ERC1: variants seen among roughly 807,000 people sequenced by gnomAD.
The protein encoded by ERC1 is ELKS/RAB6-interacting/CAST family member 1.
A neutral mutation model predicts 132.0 loss-of-function variants in ERC1; 56 were observed. The ratio of observed to expected loss-of-function variants is 0.42; its 90% CI spans 0.34 to 0.53. ERC1 has a LOEUF of 0.53. ERC1 is among the 20% of genes least tolerant of loss of function. The pLI, the probability that ERC1 is intolerant of heterozygous loss-of-function variation, is 0.03. For synonymous variants in ERC1, 478 were observed against 476.1 expected (o/e 1.00, Z -0.05); for missense variants, 1,202 against 1,349.9 (o/e 0.89, Z 1.72).
At chr12:1,405,182 T>TAA (rs1566786460) in intron 16 of ERC1, among the ~76,000 whole-genome samples, 38 of 123,134 alleles carry the variant, frequency 3.1e-4, no homozygotes, top group African/African-American at 1.1e-3. Context: ...TAAATAAATA[T>TAA]AAATAAAATA....
intron 7 of ERC1, among the ~76,000 whole-genome samples, chr12:1,117,573 C>T (rs1477669033): frequency 2.6e-5 from 4 of 152,230 alleles, no homozygotes; most frequent in Admixed American, 1.3e-4. Context: ...TACTATGAGT[C>T]GCGTGATCCT....
chr12:1,368,938 T>C (rs138708164), intron 15 of ERC1, among the ~76,000 whole-genome samples: 4 of 152,198 alleles, frequency 2.6e-5, no homozygotes, highest in African/African-American at 7.2e-5. Flanking sequence ...GGAGTATACG[T>C]TGTAAATGGA....
intron 16 of ERC1, among the ~76,000 whole-genome samples, chr12:1,381,831 C>T (rs535813222): frequency 1.8e-4 from 27 of 152,284 alleles, no homozygotes; most frequent in African/African-American, 6.5e-4. Context: ...TTTTCCTTAT[C>T]GTTAGCAAAG....
At chr12:1,448,990 G>T (rs889136304) in intron 18 of ERC1, among the ~76,000 whole-genome samples, 1 of 152,250 alleles carries the variant, frequency 6.6e-6, no homozygotes. Flanking sequence ...CCCACCTCTT[G>T]CATCAGCGTG....
chr12:1,273,047 T>G (rs2077987799), intron 14 of ERC1, among the ~76,000 whole-genome samples: 1 of 151,536 alleles, frequency 6.6e-6, no homozygotes, highest in African/African-American at 2.4e-5. Flanking sequence ...TCAGTTTTAC[T>G]AAGCCAGATG....
At chr12:1,293,629 C>CA (rs570069080) in intron 15 of ERC1, among the ~76,000 whole-genome samples, 6,992 of 110,322 alleles carry the variant, frequency 0.063, 326 homozygotes, top group East Asian at 0.24. Context: ...AACTCTGTCT[C>CA]AAAAAAAAAA....
intron 17 of ERC1, among the ~76,000 whole-genome samples, chr12:1,440,450 C>T (rs2093097652): frequency 6.6e-6 from 1 of 150,806 alleles, no homozygotes; most frequent in South Asian, 2.1e-4. Context: ...TCGTGATCTG[C>T]CCTCCTTGGC....
rs1301258107 is a variant in ERC1 at position 1,444,677 on chromosome 12, C to T, written c.3140C>T (p.Pro1047Leu). ...RDPLILRGLT[P>L]PASYNLDDDQ... is the part of the protein sequence containing the mutation. ...CCCCTGATCCTCCGTGGACTCACTC[C>T]ACCAGCTTCCTATAACTTGGACGAT... is the stretch of plus-strand genomic sequence containing the variant. Residue 1047 changes from proline (P) to leucine (L), a missense_variant, in exon 18 of 19, where the codon CCA (proline) becomes CTA (leucine). Coordinates refer to ENST00000360905, the MANE Select transcript of ERC1 (RefSeq NM_178040.4). The T allele has an allele frequency of 1.2e-6, 2 of 1,614,066 alleles. No individual in the cohort carries two copies. The highest frequency in any genetic ancestry group is 1.7e-6 in the Non-Finnish European group (2 of 1,180,036).
intron 3 of ERC1, among the ~76,000 whole-genome samples, chr12:1,099,841 T>C (rs1273484589): frequency 1.1e-4 from 2 of 18,686 alleles, no homozygotes; most frequent in African/African-American, 2.9e-4. Context: ...TTTGATTTTT[T>C]TTTTTTTTTT....
chr12:1,438,313 A>C (rs558301480), intron 17 of ERC1, among the ~76,000 whole-genome samples: 1 of 152,356 alleles, frequency 6.6e-6, no homozygotes, highest in Admixed American at 6.5e-5. Context: ...TTCAGAGTTT[A>C]GCTCTCCGCT....
At chr12:1,408,492 G>A in intron 17 of ERC1, among the ~76,000 whole-genome samples, 1 of 152,144 alleles carries the variant, frequency 6.6e-6, no homozygotes, top group East Asian at 1.9e-4. Context: ...GAATTGGGTT[G>A]AGAAAAAAAT....
intron 17 of ERC1, among the ~76,000 whole-genome samples, chr12:1,433,806 G>T (rs1414512385): frequency 2.0e-5 from 3 of 152,132 alleles, no homozygotes; most frequent in Non-Finnish European, 2.9e-5. Context: ...CCTCAAAATT[G>T]TATGTTGTGT....
At chr12:991,770 G>C (rs1959417366) in intron 1 of ERC1, 1 of 152,506 alleles carries the variant, frequency 6.6e-6, no homozygotes, top group Non-Finnish European at 1.5e-5. Flanking sequence ...AGGTTGGGGT[G>C]CGGTCAGGGT....
intron 12 of ERC1, among the ~76,000 whole-genome samples, chr12:1,215,609 T>A (rs1594284638): frequency 6.6e-6 from 1 of 152,172 alleles, no homozygotes; most frequent in South Asian, 2.1e-4. Flanking sequence ...ACCCTTTAGC[T>A]CATGGAGATG....
chr12:1,241,847 CTTTTTTTTTTTTTT>C (rs57016547), intron 13 of ERC1, among the ~76,000 whole-genome samples: 31 of 80,490 alleles, frequency 3.9e-4, no homozygotes, highest in African/African-American at 1.5e-3. Context: ...TCTTCTTCTT[CTTTTTTTTTTTTTT>C]TTTTTTTTTT....
At chr12:1,375,559 C>G (rs920747792) in intron 16 of ERC1, among the ~76,000 whole-genome samples, 1 of 152,108 alleles carries the variant, frequency 6.6e-6, no homozygotes, top group African/African-American at 2.4e-5. Context: ...CCATTCACTT[C>G]AGATTTACCT....
At chr12:1,308,837 A>G (rs2081074739) in intron 15 of ERC1, among the ~76,000 whole-genome samples, 1 of 152,146 alleles carries the variant, frequency 6.6e-6, no homozygotes, top group South Asian at 2.1e-4. Context: ...CTGAATGGTT[A>G]TGTCCCCCCA....
At chr12:1,373,323 A>G (rs939571733) in intron 16 of ERC1, among the ~76,000 whole-genome samples, 1 of 152,244 alleles carries the variant, frequency 6.6e-6, no homozygotes, top group Non-Finnish European at 1.5e-5. Context: ...ACTTATCTTA[A>G]GTAGTTAGGC....
At chr12:1,373,557 G>A (rs1355954968) in intron 16 of ERC1, among the ~76,000 whole-genome samples, 1 of 152,210 alleles carries the variant, frequency 6.6e-6, no homozygotes, top group Non-Finnish European at 1.5e-5. Context: ...CAAGGCGGGT[G>A]GATCATGAGG....
Sources: gnomAD v4.1 joint callset for allele counts (sites outside exome capture counted in the v4.1 genomes callset) on GRCh38, gnomAD v4.1.1 for gene constraint, MANE v1.5 for transcripts, NCBI Gene and HGNC (gene_info 2026-07-23, HGNC 2026-07-21) for gene names.